The following KY variants were observed in gnomAD, a reference collection of about 807,000 sequenced individuals.
The protein encoded by KY is kyphoscoliosis peptidase.
In KY, 43 loss-of-function variants were observed where a neutral mutation model predicts 76.1. That is an observed-to-expected ratio of 0.57 (90% confidence interval 0.44 to 0.73). The LOEUF is 0.73. Among genes scored for constraint, KY ranks in the 30% least tolerant of loss-of-function variants. The pLI, the probability that KY is intolerant of heterozygous loss-of-function variation, is 0.00. For missense variants in KY, 722 were observed against 828.9 expected (o/e 0.87, Z 1.58); for synonymous variants, 277 against 326.2 (o/e 0.85, Z 1.63).
intron 8 of KY, among the ~76,000 whole-genome samples, chr3:134,618,210 G>C (rs1405487530): frequency 6.6e-6 from 1 of 152,136 alleles, no homozygotes; most frequent in Non-Finnish European, 1.5e-5. Flanking sequence ...CACAACAGGG[G>C]GTTTGGGCCA....
At chr3:134,622,014 T>G (rs562634063) in intron 6 of KY, among the ~76,000 whole-genome samples, 1 of 152,196 alleles carries the variant, frequency 6.6e-6, no homozygotes, top group African/African-American at 2.4e-5. Flanking sequence ...CACAATGAGA[T>G]AGCACTTCAG....
chr3:134,610,385 TG>T lies in KY; in HGVS notation c.711-3del. On this transcript the variant is annotated splice_region_variant and splice_polypyrimidine_tract_variant and intron_variant, in intron 8 of 10. Coordinates refer to ENST00000423778, the MANE Select transcript of KY (RefSeq NM_178554.6). ...GTCATACACTGCACTCCGGCGAGCC[TG>T]GGGGCAGGACAGGGGGTCTGAGAGG... 1 of 1,610,050 alleles carries T rather than the reference TG, an allele frequency of 6.2e-7. No homozygotes were observed. Among genetic ancestry groups the T allele is most frequent in the Non-Finnish European group, 8.5e-7 (1 of 1,178,030 alleles).
At position 134,619,283 on chromosome 3, in the gene KY, G is replaced by T. The variant is rs776379308; in HGVS notation, c.593-18C>A. On this transcript the variant is annotated intron_variant, in intron 7 of 10. Coordinates refer to ENST00000423778, the MANE Select transcript of KY (RefSeq NM_178554.6). ...GTCATACTCTATAGGGCAGGTGAGG[G>T]GATCATGAAGAGCTTGAGCCTGGGA... The T allele has an allele frequency of 8.2e-6, 13 of 1,583,650 alleles. No individual in the cohort carries two copies. The South Asian group carries it at 1.4e-4, about 18-fold the overall frequency.
intron 4 of KY, 92 bp from the exon 5 acceptor site, chr3:134,627,910 G>T: frequency 1.0e-6 from 1 of 959,892 alleles, no homozygotes; most frequent in South Asian, 1.3e-5. Context: ...CCTTGCTTTT[G>T]ACCCCTCCTC....
chr3:134,617,822 G>C (rs920111195), intron 8 of KY, among the ~76,000 whole-genome samples: 3 of 152,096 alleles, frequency 2.0e-5, no homozygotes, highest in Non-Finnish European at 4.4e-5. Flanking sequence ...GGTCAGGAAG[G>C]TGGTGTCACA....
rs558507739 is a variant in KY at position 134,602,691 on chromosome 3, G to C, written c.*888C>G. Among the ~76,000 whole-genome samples the C allele has an allele frequency of 6.6e-6, 1 of 152,294 alleles. No individual in the cohort carries two copies. Among genetic ancestry groups the C allele is most frequent in the South Asian group, 2.1e-4 (1 of 4,834 alleles). On this transcript the variant is annotated 3_prime_UTR_variant, in exon 11 of 11. Coordinates refer to ENST00000423778, the MANE Select transcript of KY (RefSeq NM_178554.6). Reference sequence around the variant, plus strand: ...GGCTCTCTGTGGAGGTGGGGCAGGGGCCTGAGGCCCAGGCTCTGTGAGGGC... The same window carrying C: ...GGCTCTCTGTGGAGGTGGGGCAGGGCCCTGAGGCCCAGGCTCTGTGAGGGC...
Position 134,643,349 on chromosome 3 carries a change from G to C in KY, c.229C>G (p.Gln77Glu). The C allele has an allele frequency of 1.2e-6, 2 of 1,613,896 alleles. No individual in the cohort carries two copies. The highest frequency in any genetic ancestry group is 3.3e-4 in the Middle Eastern group (2 of 6,034). Reference sequence around the variant, plus strand: ...TTGTAGGAAGTGATGACCTGGGGCTGCTGAGGGTGCTGCTTCTCCACCAAG... The same window carrying C: ...TTGTAGGAAGTGATGACCTGGGGCTCCTGAGGGTGCTGCTTCTCCACCAAG... The part of the protein sequence containing the change: ...ENLVEKQHPQ[Q>E]PQVITSYNSQ... The change falls in exon 3 of 11, where the codon CAG becomes GAG. Residue 77 changes from glutamine to glutamate, a missense_variant. By Grantham distance (29) the Gln-to-Glu change is conservative. Transcript: ENST00000423778.
Position 134,603,566 on chromosome 3 carries a change from C to T in KY, c.*13G>A, listed in dbSNP as rs368066090. The stretch of plus-strand genomic sequence containing the variant: ...CCTTGGCCCTTTGGGAGGGTAAGAC[C>T]GGGGCACAGCCCTCACTGGGCATTC... On this transcript the variant is annotated 3_prime_UTR_variant, in exon 11 of 11. Coordinates refer to ENST00000423778, the MANE Select transcript of KY (RefSeq NM_178554.6). 7.1e-6 allele frequency: 11 copies of T among 1,557,218 alleles called. No homozygotes were observed. Among genetic ancestry groups the T allele is most frequent in the African/African-American group, 6.8e-5 (5 of 74,022 alleles).
chr3:134,640,359 C>T (rs1038558090), intron 3 of KY, among the ~76,000 whole-genome samples: 1 of 152,056 alleles, frequency 6.6e-6, no homozygotes, highest in Non-Finnish European at 1.5e-5. Flanking sequence ...GTCTGGTATG[C>T]GACTTCAGGC....
chr3:134,620,737 A>AG lies in KY; in HGVS notation c.592+11dup, dbSNP rs1474373095. 4 of 1,601,880 alleles carry AG rather than the reference A, an allele frequency of 2.5e-6. No homozygotes were observed. Among genetic ancestry groups the AG allele is most frequent in the East Asian group, 2.2e-5 (1 of 44,788 alleles). ...GGGATTCTAGAGCCAGAAATTCCAC[A>AG]GGGGGGCCTACCTATGTGATGGCAG... On this transcript the variant is annotated intron_variant, in intron 7 of 10. Coordinates refer to ENST00000423778, the MANE Select transcript of KY (RefSeq NM_178554.6).
At position 134,602,523 on chromosome 3, in the gene KY, G is replaced by T. The variant is rs1438207144; in HGVS notation, c.*1056C>A. Among the ~76,000 whole-genome samples, 2 of 152,188 alleles carry T rather than the reference G, an allele frequency of 1.3e-5. No homozygotes were observed. The highest frequency in any genetic ancestry group is 3.2e-3 in the Middle Eastern group (1 of 316). On this transcript the variant is annotated 3_prime_UTR_variant, in exon 11 of 11. Transcript: ENST00000423778. ...ATTCTTCCCAGCCCTGGCTTTGCTG[G>T]TAGAGACACTGGGGGCAGGCAGAGC... is the stretch of plus-strand genomic sequence containing the variant.
chr3:134,649,969 G>T (rs552316420), intron 1 of KY, among the ~76,000 whole-genome samples: 1 of 152,200 alleles, frequency 6.6e-6, no homozygotes, highest in Non-Finnish European at 1.5e-5. Context: ...CTGGCCCGCA[G>T]TCCGCCTAGT....
rs914283584 is a variant in KY at position 134,603,517 on chromosome 3, C to T, written c.*62G>A. The T allele has an allele frequency of 3.8e-5, 56 of 1,460,898 alleles. No individual in the cohort carries two copies. Among genetic ancestry groups the T allele is most frequent in the South Asian group, 6.8e-5 (5 of 73,474 alleles). 90.5% of individuals were successfully genotyped at this position (1,460,898 alleles called of 1,614,324 possible). A position where few individuals can be genotyped will look rare whatever the true frequency, so the allele number is the denominator to read the frequency against. On this transcript the variant is annotated 3_prime_UTR_variant, in exon 11 of 11. Coordinates refer to ENST00000423778, the MANE Select transcript of KY (RefSeq NM_178554.6). ...TGTCCAGGGCTCCCTGCACTTCCTT[C>T]GAGCCCTCCCTGGGGAGGTCTGGCC...
At chr3:134,621,285 CATTTG>C (rs1962572034) in intron 6 of KY, among the ~76,000 whole-genome samples, 1 of 152,172 alleles carries the variant, frequency 6.6e-6, no homozygotes, top group African/African-American at 2.4e-5. Context: ...AAAAAGAACA[CATTTG>C]AAGGACACAA....
chr3:134,620,896 G>T, intron 6 of KY, 39 bp from the exon 7 acceptor site: 1 of 1,301,928 alleles, frequency 7.7e-7, no homozygotes, highest in East Asian at 2.4e-5. Flanking sequence ...AGGGCCTCGA[G>T]GAGGGGCTGT....
At chr3:134,612,551 G>A (rs1393366862) in intron 8 of KY, among the ~76,000 whole-genome samples, 7 of 152,172 alleles carry the variant, frequency 4.6e-5, no homozygotes, top group South Asian at 4.1e-4. Context: ...AGGACCAGAG[G>A]AAAGCAAGGC....
At chr3:134,612,641 G>C (rs1960692348) in intron 8 of KY, among the ~76,000 whole-genome samples, 1 of 152,116 alleles carries the variant, frequency 6.6e-6, no homozygotes, top group African/African-American at 2.4e-5. Context: ...GACTGGGTGA[G>C]GAGAAGAAAT....
intron 8 of KY, among the ~76,000 whole-genome samples, chr3:134,611,069 T>C (rs1375519743): frequency 6.6e-6 from 1 of 152,186 alleles, no homozygotes; most frequent in Non-Finnish European, 1.5e-5. Context: ...GTGAACATGG[T>C]GCAAGAGCCA....
chr3:134,633,902 G>A (rs1964567899), intron 3 of KY, among the ~76,000 whole-genome samples: 1 of 152,190 alleles, frequency 6.6e-6, no homozygotes, highest in Non-Finnish European at 1.5e-5. Context: ...AGTTAGTTTA[G>A]CATGGTCACG....
Sources: gnomAD v4.1 joint callset for allele counts (sites outside exome capture counted in the v4.1 genomes callset) on GRCh38, gnomAD v4.1.1 for gene constraint, MANE v1.5 for transcripts, NCBI Gene and HGNC (gene_info 2026-07-23, HGNC 2026-07-21) for gene names.